Variants in MACROH2A2 observed in about 807,000 individuals in gnomAD.
The protein encoded by MACROH2A2 is core histone macro-H2A.2.
A neutral mutation model predicts 37.6 loss-of-function variants in MACROH2A2; 6 were observed. The observed-to-expected ratio is 0.16, with a 90% CI of 0.09 to 0.32. The LOEUF is 0.32. Ranked by LOEUF, MACROH2A2 falls within the 10% of genes least tolerant of loss-of-function variation. The probability of loss-of-function intolerance (pLI) is 1.00; values close to 1 mark genes in which losing one functional copy is unlikely to be tolerated. For missense variants in MACROH2A2, 290 were observed against 485.9 expected (o/e 0.60, Z 3.79); for synonymous variants, 192 against 202.7 (o/e 0.95, Z 0.45).
chr10:70,104,424 C>G (rs1156658072), intron 7 of MACROH2A2, among the ~76,000 whole-genome samples: 1 of 151,054 alleles, frequency 6.6e-6, no homozygotes, highest in Non-Finnish European at 1.5e-5. Flanking sequence ...CGCCTGTAAT[C>G]GAAGCACTTT....
At chr10:70,077,850 C>T (rs1332513639) in intron 2 of MACROH2A2, among the ~76,000 whole-genome samples, 1 of 152,310 alleles carries the variant, frequency 6.6e-6, no homozygotes, top group Non-Finnish European at 1.5e-5. Context: ...AGGGAGAGAA[C>T]AGACTTTGAG....
chr10:70,091,444 G>C (rs1282141337), intron 3 of MACROH2A2, among the ~76,000 whole-genome samples: 1 of 152,226 alleles, frequency 6.6e-6, no homozygotes, highest in Non-Finnish European at 1.5e-5. Context: ...GGGAGGCCAA[G>C]GCAGGTGGAT....
intron 1 of MACROH2A2, among the ~76,000 whole-genome samples, chr10:70,074,796 G>A (rs2072131253): frequency 6.6e-6 from 1 of 152,128 alleles, no homozygotes; most frequent in South Asian, 2.1e-4. Context: ...CCAGCCACGT[G>A]GAACTGTGAG....
At chr10:70,093,675 A>T in intron 4 of MACROH2A2, 60 bp from the exon 5 acceptor site, 1 of 869,068 alleles carries the variant, frequency 1.2e-6, no homozygotes, top group Non-Finnish European at 1.9e-6. Context: ...GAGCTTAATA[A>T]AGGCACCTCA....
At chr10:70,054,278 G>A (rs1348749752) in intron 1 of MACROH2A2, among the ~76,000 whole-genome samples, 1 of 152,186 alleles carries the variant, frequency 6.6e-6, no homozygotes, top group Non-Finnish European at 1.5e-5. Flanking sequence ...ACCAAAGTGC[G>A]GGGCCCTGAG....
At chr10:70,097,933 GACC>G (rs1169466765) in intron 6 of MACROH2A2, among the ~76,000 whole-genome samples, 1 of 151,908 alleles carries the variant, frequency 6.6e-6, no homozygotes, top group East Asian at 1.9e-4. Flanking sequence ...ATATAAGTGG[GACC>G]CTCATCTCTT....
chr10:70,107,198 G>T lies in MACROH2A2; in HGVS notation c.779-1835G>T, dbSNP rs10999142. On this transcript the variant is annotated intron_variant, in intron 7 of 8. Coordinates refer to ENST00000373255, the MANE Select transcript of MACROH2A2 (RefSeq NM_018649.3). The surrounding 1 kb of genome is among the most constrained non-coding windows in gnomAD (Gnocchi z 4.4). ...ACTGAGCCCCGTCTAGGCACTGGAA[G>T]GCAGGGAGCCTACAGCCTCCCCTGA... Among the ~76,000 whole-genome samples the T allele has an allele frequency of 6.6e-6, 1 of 152,196 alleles. No individual in the cohort carries two copies. The highest frequency in any genetic ancestry group is 6.5e-5 in the Admixed American group (1 of 15,276).
rs757851237 is a variant in MACROH2A2 at position 70,090,091 on chromosome 10, G to C, written c.204G>C (p.Ala68=). The C allele has an allele frequency of 6.2e-7, 1 of 1,613,936 alleles. No individual in the cohort carries two copies. Among genetic ancestry groups the C allele is most frequent in the South Asian group, 1.1e-5 (1 of 91,074 alleles). ...AEILELAGNA[A]RDNKKARIAP... ...TTCTAGAATTGGCCGGCAATGCCGC[G>C]AGGGACAACAAGAAGGCCCGGATAG... Residue 68 remains alanine, a synonymous_variant, in exon 3 of 9, where the codon GCG becomes GCC. Transcript: ENST00000373255.
intron 6 of MACROH2A2, among the ~76,000 whole-genome samples, chr10:70,096,631 C>T (rs1289861394): frequency 6.6e-6 from 1 of 152,046 alleles, no homozygotes; most frequent in Non-Finnish European, 1.5e-5. Flanking sequence ...AGTCCCCATC[C>T]CATCCATTTT....
chr10:70,071,825 TG>T (rs1422006246), intron 1 of MACROH2A2, among the ~76,000 whole-genome samples: 3 of 152,274 alleles, frequency 2.0e-5, no homozygotes, highest in African/African-American at 7.2e-5. Context: ...GCAGTACACA[TG>T]TATAGGGCAC....
chr10:70,111,458 C>T (rs1406826778), intron 8 of MACROH2A2, 60 bp from the exon 9 acceptor site: 1 of 1,486,458 alleles, frequency 6.7e-7, no homozygotes, highest in Non-Finnish European at 9.2e-7. Context: ...AAAGGCACTT[C>T]ATGCTCCCAT....
chr10:70,095,894 T>G (rs2072273518), intron 6 of MACROH2A2, 141 bp downstream of exon 6: 4 of 546,148 alleles, frequency 7.3e-6, no homozygotes, highest in Middle Eastern at 2.9e-4. Context: ...AGTTGAACAG[T>G]TTCACTAGAG....
At chr10:70,080,034 C>G (rs566769171) in intron 2 of MACROH2A2, among the ~76,000 whole-genome samples, 7 of 152,286 alleles carry the variant, frequency 4.6e-5, no homozygotes, top group African/African-American at 1.7e-4. Flanking sequence ...AATCCCAACA[C>G]TTTGGGATGC....
At chr10:70,104,677 A>G (rs181238695) in intron 7 of MACROH2A2, among the ~76,000 whole-genome samples, 1 of 152,290 alleles carries the variant, frequency 6.6e-6, no homozygotes, top group Admixed American at 6.5e-5. Flanking sequence ...CTCTGTGTCT[A>G]AAAAACAGAA....
Position 70,111,984 on chromosome 10 carries a change from G to GA in MACROH2A2, c.*308dup, listed in dbSNP as rs1030140337. On this transcript the variant is annotated 3_prime_UTR_variant, in exon 9 of 9. Transcript: ENST00000373255. The stretch of plus-strand genomic sequence containing the variant: ...TTGACTTTTACACACATTCACACAA[G>GA]AAAAAAATCCTTTCAAAATTCTTAA... 7.1e-5 allele frequency: 15 copies of GA among 210,190 alleles called. No homozygotes were observed. The highest frequency in any genetic ancestry group is 1.2e-4 in the Admixed American group (2 of 17,040). The allele number at this position is 210,190 out of a possible 1,614,324, so 13.0% of individuals were successfully genotyped here.
Position 70,055,501 on chromosome 10 carries a change from C to T in MACROH2A2, c.-60+2501C>T, listed in dbSNP as rs139983881. The stretch of plus-strand genomic sequence containing the variant: ...TCAAGGGGTCCTCCCATCTCAGCCT[C>T]CTGAGTATACACCAATTCTTAAACA... On this transcript the variant is annotated intron_variant, in intron 1 of 8. Coordinates refer to ENST00000373255, the MANE Select transcript of MACROH2A2 (RefSeq NM_018649.3). 8.1e-3 allele frequency among the ~76,000 whole-genome samples: 1,230 copies of T among 152,186 alleles called. 6 individuals carry two copies. The highest frequency in any genetic ancestry group is 0.012 in the Non-Finnish European group (827 of 68,006).
chr10:70,091,929 C>CT lies in MACROH2A2; in HGVS notation c.453dup (p.Ala152CysfsTer16). 1 of 1,613,776 alleles carries CT rather than the reference C, an allele frequency of 6.2e-7. No individual in the cohort carries two copies. The highest frequency in any genetic ancestry group is 8.5e-7 in the Non-Finnish European group (1 of 1,179,988). On this transcript the variant is annotated frameshift_variant, in exon 4 of 9. Coordinates refer to ENST00000373255, the MANE Select transcript of MACROH2A2 (RefSeq NM_018649.3). LOFTEE classifies it high-confidence loss of function. ...AAGAAGGGGGGGAAGAAATCCAAGG[C>CT]TGCCAAACCACGGACGTCCAAAAAG...
intron 1 of MACROH2A2, among the ~76,000 whole-genome samples, chr10:70,054,009 G>GC (rs1324402703): frequency 1.3e-5 from 2 of 152,096 alleles, no homozygotes; most frequent in Admixed American, 6.5e-5. Context: ...AGCCCGGCCA[G>GC]CCCCCCGGAT....
intron 7 of MACROH2A2, among the ~76,000 whole-genome samples, chr10:70,106,271 ATTATGTGGATAGGTGC>A (rs1247624502): frequency 6.6e-6 from 1 of 152,208 alleles, no homozygotes; most frequent in Non-Finnish European, 1.5e-5. Context: ...GCCCCTAGTC[ATTATGTGGATAGGTGC>A]TTATACCAAA....
Sources: gnomAD v4.1 joint callset for allele counts (sites outside exome capture counted in the v4.1 genomes callset) on GRCh38, gnomAD v4.1.1 for gene constraint, Gnocchi (gnomAD v3.1) non-coding constraint, MANE v1.5 for transcripts, NCBI Gene and HGNC (gene_info 2026-07-23, HGNC 2026-07-21) for gene names.